The following STK3 variants were observed in gnomAD, a reference collection of about 807,000 sequenced individuals.
The protein encoded by STK3 is serine/threonine-protein kinase 3.
Under a neutral mutation model 58.0 loss-of-function variants are expected in STK3, and 41 were observed. The ratio of observed to expected loss-of-function variants is 0.71; its 90% CI spans 0.55 to 0.92. STK3 has a LOEUF of 0.92. STK3 is among the 40% of genes least tolerant of loss of function. The probability of loss-of-function intolerance (pLI) is 0.00; values close to 1 mark genes in which losing one functional copy is unlikely to be tolerated. For synonymous variants in STK3, 170 were observed against 191.0 expected (o/e 0.89, Z 0.91); for missense variants, 479 against 602.7 (o/e 0.79, Z 2.15).
At chr8:98,434,427 G>A (rs1006591481) in intron 2 of STK3, 1 of 152,216 alleles carries the variant, frequency 6.6e-6, no homozygotes, top group African/African-American at 2.4e-5. Context: ...CTTAAATGTT[G>A]CATGTACACG....
At chr8:98,548,615 T>C (rs1174812668) in intron 8 of STK3, among the ~76,000 whole-genome samples, 1 of 152,164 alleles carries the variant, frequency 6.6e-6, no homozygotes, top group African/African-American at 2.4e-5. Flanking sequence ...TACATATATA[T>C]AAAATTCACC....
At chr8:98,688,971 A>T (rs1264793440) in intron 6 of STK3, among the ~76,000 whole-genome samples, 1 of 152,308 alleles carries the variant, frequency 6.6e-6, no homozygotes, top group African/African-American at 2.4e-5. Context: ...GAAACAAAAA[A>T]TTGGTTTTTT....
At chr8:98,424,006 C>T (rs969114519) in intron 3 of STK3, among the ~76,000 whole-genome samples, 2 of 152,246 alleles carry the variant, frequency 1.3e-5, no homozygotes, top group East Asian at 3.8e-4. Context: ...GCGCCTGGAG[C>T]AGTGGCTGTA....
chr8:98,431,108 C>T (rs1818319352), intron 3 of STK3: 1 of 167,094 alleles, frequency 6.0e-6, no homozygotes, highest in Non-Finnish European at 1.5e-5. Context: ...GGTTGGGCCT[C>T]TTCTTAAGAG....
chr8:98,578,923 G>T (rs1813628313), intron 8 of STK3, among the ~76,000 whole-genome samples: 2 of 152,100 alleles, frequency 1.3e-5, no homozygotes, highest in Non-Finnish European at 2.9e-5. Flanking sequence ...AGTTGAGGTG[G>T]GTAGATTACT....
chr8:98,818,314 G>A (rs1168591153), intron 1 of STK3, among the ~76,000 whole-genome samples: 1 of 152,204 alleles, frequency 6.6e-6, no homozygotes, highest in Non-Finnish European at 1.5e-5. Flanking sequence ...ATTCACCAAT[G>A]AGCATCTGGA....
chr8:98,795,119 T>C (rs1318440605), intron 1 of STK3, among the ~76,000 whole-genome samples: 2 of 106,308 alleles, frequency 1.9e-5, no homozygotes, highest in Non-Finnish European at 3.6e-5. Flanking sequence ...TATATATATA[T>C]ATATATATAT....
chr8:98,672,874 G>C (rs1427085988), intron 6 of STK3, among the ~76,000 whole-genome samples: 1 of 152,038 alleles, frequency 6.6e-6, no homozygotes, highest in East Asian at 1.9e-4. Flanking sequence ...CAGTCACTAA[G>C]AACTTTTTAT....
chr8:98,465,560 G>A (rs903693325), intron 10 of STK3, among the ~76,000 whole-genome samples: 1 of 152,132 alleles, frequency 6.6e-6, no homozygotes, highest in Admixed American at 6.6e-5. Flanking sequence ...TATTTAACCA[G>A]CTCTTTAGCC....
chr8:98,506,358 G>T (rs1026760783), intron 10 of STK3, among the ~76,000 whole-genome samples: 9 of 152,182 alleles, frequency 5.9e-5, no homozygotes, highest in African/African-American at 2.2e-4. Flanking sequence ...TGCTTCCTGG[G>T]TGAGGTGATG....
intron 1 of STK3, among the ~76,000 whole-genome samples, chr8:98,798,996 C>T (rs1587652478): frequency 1.3e-5 from 2 of 152,172 alleles, no homozygotes; most frequent in East Asian, 3.9e-4. Flanking sequence ...TATTGGACAA[C>T]CAAACCTGCT....
intron 4 of STK3, among the ~76,000 whole-genome samples, chr8:98,716,327 C>G (rs1016309500): frequency 6.6e-6 from 1 of 151,660 alleles, no homozygotes. Flanking sequence ...TAGCAGTATA[C>G]AAAATCAACC....
chr8:98,684,807 C>T (rs1352678088), intron 6 of STK3, among the ~76,000 whole-genome samples: 1 of 152,094 alleles, frequency 6.6e-6, no homozygotes, highest in East Asian at 1.9e-4. Flanking sequence ...ATTCAAGTTG[C>T]AAATCATTAC....
chr8:98,866,684 A>G (rs1250884517), intron 3 of STK3, among the ~76,000 whole-genome samples: 3 of 152,216 alleles, frequency 2.0e-5, no homozygotes, highest in African/African-American at 7.2e-5. Flanking sequence ...GTAGAGGTTC[A>G]TTGGGAAGTG....
intron 6 of STK3, among the ~76,000 whole-genome samples, chr8:98,621,450 A>G (rs981551667): frequency 6.6e-6 from 1 of 152,112 alleles, no homozygotes; most frequent in African/African-American, 2.4e-5. Flanking sequence ...CTGAATGAGT[A>G]GTGAGAGTGA....
chr8:98,716,766 A>G (rs1029081800), intron 4 of STK3, among the ~76,000 whole-genome samples: 1 of 152,216 alleles, frequency 6.6e-6, no homozygotes, highest in Non-Finnish European at 1.5e-5. Context: ...TCCTGATTTC[A>G]AAACTTATTA....
chr8:98,660,075 G>C (rs562601142), intron 6 of STK3, among the ~76,000 whole-genome samples: 1 of 152,036 alleles, frequency 6.6e-6, no homozygotes, highest in South Asian at 2.1e-4. Flanking sequence ...ACATATAATT[G>C]AATATTATTT....
chr8:98,574,630 T>C (rs147246847), intron 8 of STK3, among the ~76,000 whole-genome samples: 29 of 152,212 alleles, frequency 1.9e-4, no homozygotes, highest in South Asian at 1.7e-3. Flanking sequence ...CCACAAAGTG[T>C]TTTTGGCAGA....
intron 3 of STK3, among the ~76,000 whole-genome samples, chr8:98,756,173 T>C: frequency 6.7e-6 from 1 of 149,798 alleles, no homozygotes; most frequent in South Asian, 2.1e-4. Context: ...AATTAAAAAA[T>C]AAAGAAAGAA....
Sources: gnomAD v4.1 joint callset for allele counts (sites outside exome capture counted in the v4.1 genomes callset) on GRCh38, gnomAD v4.1.1 for gene constraint, MANE v1.5 for transcripts, NCBI Gene and HGNC (gene_info 2026-07-23, HGNC 2026-07-21) for gene names.